CHST9: variants seen among roughly 807,000 people sequenced by gnomAD.
CHST9 encodes carbohydrate sulfotransferase 9.
In CHST9, 41 loss-of-function variants were observed where a neutral mutation model predicts 44.4. The ratio of observed to expected loss-of-function variants is 0.92; its 90% CI spans 0.72 to 1.20. CHST9 has a LOEUF of 1.20. Among genes scored for constraint, CHST9 ranks in the 50% most tolerant of loss-of-function variants. The pLI is 0.00. For missense variants in CHST9, 504 were observed against 516.5 expected, an observed-to-expected ratio of 0.98 and a Z score of 0.23; for synonymous variants, 171 against 178.4, an observed-to-expected ratio of 0.96 and a Z score of 0.33.
intron 4 of CHST9, among the ~76,000 whole-genome samples, chr18:26,981,288 CA>C (rs780954539): frequency 5.3e-5 from 8 of 152,056 alleles, no homozygotes; most frequent in Non-Finnish European, 7.4e-5. Context: ...ACCTAAATAC[CA>C]AGTTATAAAA....
intron 3 of CHST9, among the ~76,000 whole-genome samples, chr18:27,028,762 A>G (rs1190305548): frequency 6.6e-6 from 1 of 151,664 alleles, no homozygotes; most frequent in Admixed American, 6.6e-5. Context: ...GTTAGCCAGG[A>G]TGGTCTCAAT....
intron 4 of CHST9, among the ~76,000 whole-genome samples, chr18:26,962,926 TGG>T (rs2056418906): frequency 6.6e-6 from 1 of 152,176 alleles, no homozygotes. Context: ...ATTCGTGAGA[TGG>T]GATGAAGCCA....
At chr18:27,113,750 T>C (rs568293536) in intron 2 of CHST9, among the ~76,000 whole-genome samples, 348 of 152,344 alleles carry the variant, frequency 2.3e-3, no homozygotes, top group Non-Finnish European at 4.3e-3. Flanking sequence ...AAATTTCTGT[T>C]GTTTACAAGC....
At chr18:27,001,460 C>T (rs544467238) in intron 4 of CHST9, among the ~76,000 whole-genome samples, 4 of 152,032 alleles carry the variant, frequency 2.6e-5, no homozygotes, top group Non-Finnish European at 4.4e-5. Context: ...TTACTGCTTT[C>T]CTAGAAGTGC....
chr18:27,093,739 C>T (rs2058090882), intron 2 of CHST9, among the ~76,000 whole-genome samples: 1 of 152,218 alleles, frequency 6.6e-6, no homozygotes, highest in African/African-American at 2.4e-5. Flanking sequence ...GCTCGCCCTC[C>T]ATGGGCTGCA....
chr18:26,973,160 T>C (rs71353419), intron 4 of CHST9, among the ~76,000 whole-genome samples: 39,847 of 151,808 alleles, frequency 0.26, 5,733 homozygotes, highest in African/African-American at 0.39. Flanking sequence ...ACTCCCTGTA[T>C]TTCCTTCATG....
chr18:27,008,221 C>T (rs1280254357), intron 4 of CHST9, among the ~76,000 whole-genome samples: 1 of 152,084 alleles, frequency 6.6e-6, no homozygotes, highest in Admixed American at 6.5e-5. Flanking sequence ...CAGCAGGTGC[C>T]TTCTATTAAC....
chr18:27,062,162 C>CT (rs200444785), intron 2 of CHST9, among the ~76,000 whole-genome samples: 91 of 151,528 alleles, frequency 6.0e-4, no homozygotes, highest in Non-Finnish European at 6.6e-4. Flanking sequence ...TTGGTCAATT[C>CT]TTTTTTTTTA....
intron 2 of CHST9, among the ~76,000 whole-genome samples, chr18:27,103,733 A>T (rs545563046): frequency 1.1e-4 from 16 of 152,332 alleles, no homozygotes; most frequent in Non-Finnish European, 1.6e-4. Context: ...TTTGTGGCAT[A>T]GATCTCTTTA....
chr18:27,144,093 C>T (rs1434211835), intron 1 of CHST9, among the ~76,000 whole-genome samples: 1 of 152,216 alleles, frequency 6.6e-6, no homozygotes, highest in Admixed American at 6.5e-5. Flanking sequence ...GCCAAGGTCA[C>T]GGCTTTGTAT....
At chr18:26,975,231 G>T (rs181370834) in intron 4 of CHST9, among the ~76,000 whole-genome samples, 365 of 152,252 alleles carry the variant, frequency 2.4e-3, no homozygotes, top group Middle Eastern at 3.4e-3. Context: ...AGGGTGGGGG[G>T]AAGAGACATA....
chr18:27,042,408 T>C (rs2057455475), intron 3 of CHST9, among the ~76,000 whole-genome samples: 1 of 152,176 alleles, frequency 6.6e-6, no homozygotes, highest in South Asian at 2.1e-4. Flanking sequence ...CCAATCTCCA[T>C]GTGTAAATAC....
At chr18:27,074,818 T>G (rs1314991097) in intron 2 of CHST9, among the ~76,000 whole-genome samples, 1 of 147,244 alleles carries the variant, frequency 6.8e-6, no homozygotes, top group East Asian at 1.9e-4. Flanking sequence ...AACTTATATA[T>G]AATTATAAAA....
chr18:26,975,226 G>C (rs1048868665), intron 4 of CHST9, among the ~76,000 whole-genome samples: 2 of 152,158 alleles, frequency 1.3e-5, no homozygotes, highest in East Asian at 1.9e-4. Context: ...CAGTGAGGGT[G>C]GGGGGAAGAG....
intron 5 of CHST9, among the ~76,000 whole-genome samples, chr18:26,939,048 C>T (rs375969606): frequency 2.6e-5 from 4 of 152,168 alleles, no homozygotes; most frequent in African/African-American, 7.2e-5. Flanking sequence ...CAAGGCCCAA[C>T]GTTGGACATG....
chr18:26,957,953 C>G (rs1317229273), intron 4 of CHST9, among the ~76,000 whole-genome samples: 1 of 151,940 alleles, frequency 6.6e-6, no homozygotes, highest in Non-Finnish European at 1.5e-5. Flanking sequence ...GTGGCACGAT[C>G]TCCACTCACT....
intron 2 of CHST9, among the ~76,000 whole-genome samples, chr18:27,069,991 G>A (rs768508771): frequency 2.6e-5 from 4 of 152,138 alleles, no homozygotes; most frequent in Admixed American, 1.3e-4. Flanking sequence ...CCTTGAACAC[G>A]TTAAATGATT....
At chr18:27,125,014 C>T (rs16943302) in intron 2 of CHST9, among the ~76,000 whole-genome samples, 13,042 of 152,190 alleles carry the variant, frequency 0.086, 589 homozygotes, top group South Asian at 0.14. Flanking sequence ...GGCTGCTACT[C>T]GGTTTATTCC....
At chr18:26,935,732 C>T (rs1207004824) in intron 5 of CHST9, 3 of 152,048 alleles carry the variant, frequency 2.0e-5, no homozygotes, top group African/African-American at 7.2e-5. Flanking sequence ...TGATGATCGA[C>T]CACAGAATAT....
Sources: gnomAD v4.1 joint callset for allele counts (sites outside exome capture counted in the v4.1 genomes callset) on GRCh38, gnomAD v4.1.1 for gene constraint, MANE v1.5 for transcripts, NCBI Gene and HGNC (gene_info 2026-07-23, HGNC 2026-07-21) for gene names.